Variants in MYO10 observed in about 807,000 individuals in gnomAD.
MYO10 encodes the protein unconventional myosin-X.
Under a neutral mutation model 257.3 loss-of-function variants are expected in MYO10, and 133 were observed. The ratio of observed to expected loss-of-function variants is 0.52; its 90% CI spans 0.45 to 0.60. The LOEUF is 0.60. MYO10 is among the 20% of genes least tolerant of loss of function. The pLI is 0.00. For missense variants in MYO10, 2,399 were observed against 2,635.7 expected, an observed-to-expected ratio of 0.91 and a Z score of 1.97; for synonymous variants, 1,104 against 1,028.6, an observed-to-expected ratio of 1.07 and a Z score of -1.40.
intron 19 of MYO10, among the ~76,000 whole-genome samples, chr5:16,749,748 A>T (rs1740328642): frequency 6.6e-6 from 1 of 152,208 alleles, no homozygotes; most frequent in African/African-American, 2.4e-5. Context: ...AGCCAGCCAG[A>T]CGTGTTCCAA....
At chr5:16,863,287 C>A (rs1322476505) in intron 2 of MYO10, among the ~76,000 whole-genome samples, 1 of 152,200 alleles carries the variant, frequency 6.6e-6, no homozygotes, top group African/African-American at 2.4e-5. Flanking sequence ...ACCCATCCAC[C>A]CACCCACTGG....
At chr5:16,666,892 GC>G (rs930326842) in intron 40 of MYO10, 99 bp from the exon 41 acceptor site, 26 of 954,910 alleles carry the variant, frequency 2.7e-5, no homozygotes, top group Admixed American at 4.7e-5. Flanking sequence ...CCCTCCCGTA[GC>G]CTTCCATGCT....
At chr5:16,723,903 C>A (rs1046150351) in intron 19 of MYO10, among the ~76,000 whole-genome samples, 1 of 152,088 alleles carries the variant, frequency 6.6e-6, no homozygotes, top group Non-Finnish European at 1.5e-5. Flanking sequence ...CAGAAAGAGA[C>A]AAAACTTCAG....
chr5:16,833,387 T>C (rs1743214510), intron 2 of MYO10, among the ~76,000 whole-genome samples: 1 of 151,990 alleles, frequency 6.6e-6, no homozygotes, highest in African/African-American at 2.4e-5. Flanking sequence ...ATAATTTTTG[T>C]ATTATTAGTA....
intron 2 of MYO10, among the ~76,000 whole-genome samples, chr5:16,865,359 C>T (rs1421653301): frequency 6.6e-6 from 1 of 152,162 alleles, no homozygotes; most frequent in African/African-American, 2.4e-5. Flanking sequence ...GTCTGGCATC[C>T]TCAGCAGATC....
At chr5:16,935,277 A>G (rs1167605383) in intron 1 of MYO10, among the ~76,000 whole-genome samples, 1 of 152,212 alleles carries the variant, frequency 6.6e-6, no homozygotes, top group Non-Finnish European at 1.5e-5. Context: ...CGAGCAAAGT[A>G]ACCGATTAAA....
intron 3 of MYO10, among the ~76,000 whole-genome samples, chr5:16,805,627 T>A (rs893828055): frequency 7.9e-5 from 12 of 152,240 alleles, no homozygotes; most frequent in Middle Eastern, 6.8e-3. Context: ...CACATGCAGC[T>A]CCCAAACACG....
Position 16,805,295 on chromosome 5 carries a change from T to C in MYO10, c.280-10462A>G, listed in dbSNP as rs556610058. Among the ~76,000 whole-genome samples the C allele has an allele frequency of 2.6e-5, 4 of 151,716 alleles. No individual in the cohort carries two copies. In the South Asian group the frequency reaches 8.3e-4, roughly 32 times the overall value. On this transcript the variant is annotated intron_variant, in intron 3 of 40. Transcript: ENST00000513610. ...CTGGCCAACATGGTGAAACCCCGTCTCTACTAAAAATACAAAATTAGCCAG... is the reference window on the plus strand; with the variant it reads ...CTGGCCAACATGGTGAAACCCCGTCCCTACTAAAAATACAAAATTAGCCAG...
chr5:16,684,723 T>TTGTGTA (rs71307309), intron 29 of MYO10, among the ~76,000 whole-genome samples: 91,708 of 151,644 alleles, frequency 0.6, 28,646 homozygotes, highest in African/African-American at 0.77. Context: ...TTTTGTAACT[T>TTGTGTA]TGTGTCTGGG....
rs528311011 is a variant in MYO10 at position 16,670,711 on chromosome 5, G to A, written c.5698C>T (p.Arg1900Trp). 73 of 1,613,948 alleles carry A rather than the reference G, an allele frequency of 4.5e-5. No homozygotes were observed. Among genetic ancestry groups the A allele is most frequent in the Admixed American group, 4.2e-4 (25 of 60,018 alleles). Residue 1900 changes from arginine (R) to tryptophan (W), a missense_variant, in exon 39 of 41, where the codon CGG (arginine) becomes TGG (tryptophan). By Grantham distance (101) the Arg-to-Trp change is moderately radical. This residue lies in a region of MYO10 where 1,820 missense variants were observed against 1,939.4 expected (regional missense o/e 0.94). Transcript: ENST00000513610. ...ATCTGCTCCTCCTCGACCTTCTGCC[G>A]GACCACGGATCCTGTCCGGAAGCTC... ...RRSFRTGSVVRQKVEEEQMLD... is the reference protein window; with the variant it reads ...RRSFRTGSVVWQKVEEEQMLD...
chr5:16,757,304 A>AC (rs1740561132), intron 18 of MYO10, among the ~76,000 whole-genome samples: 1 of 75,774 alleles, frequency 1.3e-5, no homozygotes, highest in Non-Finnish European at 2.9e-5. Context: ...ACACACAAAC[A>AC]CACACACACA....
chr5:16,903,932 G>A (rs2126786758), intron 1 of MYO10, among the ~76,000 whole-genome samples: 1 of 152,294 alleles, frequency 6.6e-6, no homozygotes, highest in South Asian at 2.1e-4. Context: ...GATTTGGTCA[G>A]CGTCATTGTC....
intron 21 of MYO10, among the ~76,000 whole-genome samples, chr5:16,706,987 T>C (rs1232594692): frequency 6.6e-6 from 1 of 152,188 alleles, no homozygotes; most frequent in African/African-American, 2.4e-5. Flanking sequence ...AATTCCTATG[T>C]GTCATGGGAG....
At position 16,844,954 on chromosome 5, in the gene MYO10, GCACA is replaced by G. The variant is rs70943809; in HGVS notation, c.121-26791_121-26788del. ...ATTCCAGATACACACACACACACAC[GCACA>G]CACACACACACACACACACAGTGTA... On this transcript the variant is annotated intron_variant, in intron 2 of 40. Coordinates refer to ENST00000513610, the MANE Select transcript of MYO10 (RefSeq NM_012334.3). Among the ~76,000 whole-genome samples, 193 of 142,332 alleles carry G rather than the reference GCACA, an allele frequency of 1.4e-3. 2 individuals are homozygous for G. Among genetic ancestry groups the G allele is most frequent in the South Asian group, 4.2e-3 (19 of 4,506 alleles). 93.4% of individuals were successfully genotyped at this position (142,332 alleles called of 152,430 possible).
chr5:16,756,934 C>A lies in MYO10; in HGVS notation c.1848+1184G>T, dbSNP rs140496446. On this transcript the variant is annotated intron_variant, in intron 18 of 40. Coordinates refer to ENST00000513610, the MANE Select transcript of MYO10 (RefSeq NM_012334.3). ...TGGGCAACATAATAAGACCCCATCT[C>A]AGTAAAACATCTAAAAATTAGCCGG... Among the ~76,000 whole-genome samples the A allele has an allele frequency of 2.6e-3, 391 of 152,026 alleles. 3 individuals carry two copies. Among genetic ancestry groups the A allele is most frequent in the African/African-American group, 8.8e-3 (367 of 41,476 alleles).
chr5:16,905,320 G>A (rs1423821637), intron 1 of MYO10, among the ~76,000 whole-genome samples: 1 of 152,066 alleles, frequency 6.6e-6, no homozygotes, highest in African/African-American at 2.4e-5. Flanking sequence ...TAATATCTTC[G>A]GAGGACAACA....
At chr5:16,781,305 C>A (rs181179811) in intron 6 of MYO10, among the ~76,000 whole-genome samples, 1 of 152,110 alleles carries the variant, frequency 6.6e-6, no homozygotes, top group Non-Finnish European at 1.5e-5. Context: ...GTCTCAAACT[C>A]CTGACCTCAA....
At chr5:16,818,562 G>A (rs529982057) in intron 2 of MYO10, among the ~76,000 whole-genome samples, 3 of 151,154 alleles carry the variant, frequency 2.0e-5, no homozygotes, top group Non-Finnish European at 4.4e-5. Flanking sequence ...TCAGCCTCCC[G>A]AGCTGGGACT....
intron 2 of MYO10, among the ~76,000 whole-genome samples, chr5:16,864,700 A>C (rs1320458739): frequency 1.3e-5 from 2 of 152,206 alleles, no homozygotes; most frequent in Non-Finnish European, 2.9e-5. Context: ...AAGTGCGCTA[A>C]TAAACAAGCA....
Sources: allele counts gnomAD v4.1 joint callset (sites outside exome capture counted in the v4.1 genomes callset), GRCh38; gene constraint gnomAD v4.1.1; regional missense constraint gnomAD v4.1.1; transcripts MANE v1.5; gene names NCBI Gene and HGNC (gene_info 2026-07-23, HGNC 2026-07-21).